The following PCYT1A variants were observed in gnomAD, a reference collection of about 807,000 sequenced individuals.
PCYT1A encodes phosphate cytidylyltransferase 1A, choline, also known as choline-phosphate cytidylyltransferase A.
Under a neutral mutation model 43.7 loss-of-function variants are expected in PCYT1A, and 25 were observed. The ratio of observed to expected loss-of-function variants is 0.57; its 90% CI spans 0.42 to 0.80. The LOEUF is 0.80. Ranked by LOEUF, PCYT1A falls within the 30% of genes least tolerant of loss-of-function variation. PCYT1A has a pLI of 0.00. For missense variants in PCYT1A, 421 were observed against 474.2 expected (o/e 0.89, Z 1.04); for synonymous variants, 172 against 170.7 (o/e 1.01, Z -0.06).
intron 3 of PCYT1A, among the ~76,000 whole-genome samples, chr3:196,253,604 C>A (rs562898973): frequency 2.6e-5 from 4 of 152,318 alleles, no homozygotes; most frequent in African/African-American, 9.6e-5. Context: ...TGCAGCACAG[C>A]TAATCATCCT....
chr3:196,274,183 A>T (rs1480397463), intron 1 of PCYT1A, among the ~76,000 whole-genome samples: 1 of 152,228 alleles, frequency 6.6e-6, no homozygotes, highest in Non-Finnish European at 1.5e-5. Flanking sequence ...AGGCAGTGGG[A>T]GCAGGCACTT....
At position 196,287,704 on chromosome 3, in the gene PCYT1A, G is replaced by A. The variant is rs1178754142; in HGVS notation, c.-100C>T. 1 of 152,248 alleles carries A rather than the reference G, an allele frequency of 6.6e-6. No individual in the cohort carries two copies. The highest frequency in any genetic ancestry group is 2.4e-5 in the African/African-American group (1 of 41,442). The allele number at this position is 152,248 out of a possible 1,614,324, so 9.4% of individuals were successfully genotyped here. A position where few individuals can be genotyped will look rare whatever the true frequency, so the allele number is the denominator to read the frequency against. The stretch of plus-strand genomic sequence containing the variant: ...AGGGAAGTTGAGGAGGTTGCGGGGA[G>A]ACGCCCGGGGAAGGCAGCTGATGGA... On this transcript the variant is annotated 5_prime_UTR_variant, in exon 1 of 9. Transcript: ENST00000431016.
At chr3:196,239,340 G>C (rs567507948) in intron 8 of PCYT1A, among the ~76,000 whole-genome samples, 106 of 152,362 alleles carry the variant, frequency 7.0e-4, no homozygotes, top group African/African-American at 2.4e-3. Context: ...GGTTGAGAGA[G>C]AGCTGGCAAA....
chr3:196,241,671 C>T (rs1416805691), intron 7 of PCYT1A: 7 of 1,390,604 alleles, frequency 5.0e-6, no homozygotes, highest in Non-Finnish European at 6.6e-6. Flanking sequence ...TTAAGAGACA[C>T]CGTTTTCCAT....
At position 196,242,869 on chromosome 3, in the gene PCYT1A, C is replaced by G; in HGVS notation, c.487-229G>C. 1 of 556,666 alleles carries G rather than the reference C, an allele frequency of 1.8e-6. No individual in the cohort carries two copies. The highest frequency in any genetic ancestry group is 3.1e-5 in the East Asian group (1 of 31,954). 34.5% of individuals were successfully genotyped at this position (556,666 alleles called of 1,614,324 possible). A position where few individuals can be genotyped will look rare whatever the true frequency, so the allele number is the denominator to read the frequency against. ...GCCAGCTGCTTTTGTAGCTATTTCT[C>G]CTAGTCTGCTAGAACTGTTACCCTC... On this transcript the variant is annotated intron_variant, in intron 5 of 8. Coordinates refer to ENST00000431016, the MANE Select transcript of PCYT1A (RefSeq NM_001312673.2). This position sits in a 1 kb window ranked among gnomAD's most constrained non-coding sequence, Gnocchi z 4.2.
chr3:196,242,132 G>T lies in PCYT1A; in HGVS notation c.566-42C>A, dbSNP rs774096759. 22 of 1,603,650 alleles carry T rather than the reference G, an allele frequency of 1.4e-5. 1 individual carries two copies. The South Asian group carries it at 2.4e-4, about 18-fold the overall frequency. The stretch of plus-strand genomic sequence containing the variant: ...TACAGACAAACACTGTGAGGTTCTG[G>T]TTAGCTCAGGTATTAAGACTAAATG... On this transcript the variant is annotated intron_variant, in intron 6 of 8. Transcript: ENST00000431016. This position sits in a 1 kb window ranked among gnomAD's most constrained non-coding sequence, Gnocchi z 4.2.
Position 196,268,081 on chromosome 3 carries a change from A to G in PCYT1A, c.117+2334T>C, listed in dbSNP as rs191402753. 6.6e-4 allele frequency among the ~76,000 whole-genome samples: 101 copies of G among 152,232 alleles called. No homozygotes were observed. The highest frequency in any genetic ancestry group is 1.1e-3 in the Non-Finnish European group (77 of 68,018). On this transcript the variant is annotated intron_variant, in intron 2 of 8. Coordinates refer to ENST00000431016, the MANE Select transcript of PCYT1A (RefSeq NM_001312673.2). The surrounding 1 kb of genome is among the most constrained non-coding windows in gnomAD (Gnocchi z 4.4). ...CACTGAACTGATTTCACATGAATAT[A>G]TGAAGCAAAGTAATTTAAAGCATTA...
At chr3:196,286,995 G>A (rs1334455559) in intron 1 of PCYT1A, among the ~76,000 whole-genome samples, 1 of 152,226 alleles carries the variant, frequency 6.6e-6, no homozygotes, top group Non-Finnish European at 1.5e-5. Flanking sequence ...CCCATAGTGT[G>A]GGAGGCATTA....
rs553656183 is a variant in PCYT1A at position 196,238,626 on chromosome 3, C to T, written c.*62G>A. 1 of 1,158,448 alleles carries T rather than the reference C, an allele frequency of 8.6e-7. No individual in the cohort carries two copies. Among genetic ancestry groups the T allele is most frequent in the African/African-American group, 1.6e-5 (1 of 62,452 alleles). 71.8% of individuals were successfully genotyped at this position (1,158,448 alleles called of 1,614,324 possible). A position where few individuals can be genotyped will look rare whatever the true frequency, so the allele number is the denominator to read the frequency against. On this transcript the variant is annotated 3_prime_UTR_variant, in exon 9 of 9. Transcript: ENST00000431016. ...AGTGTTGGGGTCACAATTTGGAATT[C>T]AACAGAGAGCTTCTGAAGGTAATGG...
intron 5 of PCYT1A, chr3:196,243,320 T>C (rs559802918): frequency 8.7e-5 from 13 of 148,964 alleles, no homozygotes; most frequent in Admixed American, 4.7e-4. Flanking sequence ...AAAGCAAGAC[T>C]CTGTCTCAAA....
rs1005170674 is a variant in PCYT1A at position 196,252,095 on chromosome 3, G to A, written c.218-3772C>T. ...CGCTGACTACAGCGCACCCCGCCAC[G>A]CCCCGCAGACTACAGCGCACCCCGC... On this transcript the variant is annotated intron_variant, in intron 3 of 8. Coordinates refer to ENST00000431016, the MANE Select transcript of PCYT1A (RefSeq NM_001312673.2). The surrounding 1 kb of genome is among the most constrained non-coding windows in gnomAD (Gnocchi z 4.0). 3.3e-5 allele frequency among the ~76,000 whole-genome samples: 5 copies of A among 151,292 alleles called. No homozygotes were observed. The highest frequency in any genetic ancestry group is 7.4e-5 in the Non-Finnish European group (5 of 67,672).
Position 196,238,531 on chromosome 3 carries a change from C to T in PCYT1A, c.*157G>A. 2.0e-6 allele frequency: 1 copy of T among 504,390 alleles called. No individual in the cohort carries two copies. The highest frequency in any genetic ancestry group is 3.5e-6 in the Non-Finnish European group (1 of 285,458). 31.2% of individuals were successfully genotyped at this position (504,390 alleles called of 1,614,324 possible). ...TGAGTGATGTCACTTGCAGGACAGG[C>T]TGTTTGGGTTCCCCCAGTCCTAGGT... On this transcript the variant is annotated 3_prime_UTR_variant, in exon 9 of 9. Coordinates refer to ENST00000431016, the MANE Select transcript of PCYT1A (RefSeq NM_001312673.2).
chr3:196,259,461 T>G (rs991034207), intron 2 of PCYT1A, among the ~76,000 whole-genome samples: 1 of 152,200 alleles, frequency 6.6e-6, no homozygotes, highest in Non-Finnish European at 1.5e-5. Flanking sequence ...ATCCAGAGAC[T>G]GGGAAGATAC....
intron 1 of PCYT1A, among the ~76,000 whole-genome samples, chr3:196,276,504 G>C (rs1311973847): frequency 6.6e-6 from 1 of 151,870 alleles, no homozygotes; most frequent in Non-Finnish European, 1.5e-5. Flanking sequence ...TCAGGAGACT[G>C]AGGCGGGAGG....
intron 2 of PCYT1A, among the ~76,000 whole-genome samples, chr3:196,267,754 T>A (rs757969062): frequency 6.6e-6 from 1 of 151,602 alleles, no homozygotes; most frequent in Non-Finnish European, 1.5e-5. Context: ...TTGGTCATGG[T>A]GATGGTTGCA....
chr3:196,278,420 G>A (rs1411629363), intron 1 of PCYT1A, among the ~76,000 whole-genome samples: 1 of 152,020 alleles, frequency 6.6e-6, no homozygotes, highest in Non-Finnish European at 1.5e-5. Context: ...AAAAATACAC[G>A]CACACACACA....
At chr3:196,279,699 G>A (rs1725697316) in intron 1 of PCYT1A, among the ~76,000 whole-genome samples, 1 of 152,080 alleles carries the variant, frequency 6.6e-6, no homozygotes, top group African/African-American at 2.4e-5. Context: ...TAAGGATACA[G>A]CTAGTCATAT....
intron 3 of PCYT1A, chr3:196,250,435 G>C (rs1338963946): frequency 5.6e-6 from 1 of 178,756 alleles, no homozygotes; most frequent in Non-Finnish European, 1.2e-5. Flanking sequence ...ACACTATGCT[G>C]AGGATCAGAT....
At position 196,247,983 on chromosome 3, in the gene PCYT1A, G is replaced by A. The variant is rs1724622379; in HGVS notation, c.334+224C>T. ...CTGCTCCTGTGACCACAGAAACTCA[G>A]CTACAAGCAGTGAATAAATGCCAGA... On this transcript the variant is annotated intron_variant, in intron 4 of 8. Transcript: ENST00000431016. This position sits in a 1 kb window ranked among gnomAD's most constrained non-coding sequence, Gnocchi z 4.8. The A allele has an allele frequency of 1.8e-6, 1 of 554,832 alleles. No individual in the cohort carries two copies. The highest frequency in any genetic ancestry group is 1.9e-5 in the African/African-American group (1 of 53,074). 34.4% of individuals were successfully genotyped at this position (554,832 alleles called of 1,614,324 possible). A position where few individuals can be genotyped will look rare whatever the true frequency, so the allele number is the denominator to read the frequency against.
Sources: gnomAD v4.1 joint callset for allele counts (sites outside exome capture counted in the v4.1 genomes callset) on GRCh38, gnomAD v4.1.1 for gene constraint, Gnocchi (gnomAD v3.1) non-coding constraint, MANE v1.5 for transcripts, NCBI Gene and HGNC (gene_info 2026-07-23, HGNC 2026-07-21) for gene names.